The following LRRC4C variants were observed in gnomAD, a reference collection of about 807,000 sequenced individuals.
LRRC4C encodes leucine-rich repeat-containing protein 4C.
LRRC4C carries 5 observed loss-of-function variants against 33.6 expected under a neutral mutation model. The ratio of observed to expected loss-of-function variants is 0.15; its 90% CI spans 0.08 to 0.31. LRRC4C has a LOEUF of 0.31. LRRC4C is among the 10% of genes least tolerant of loss of function. LRRC4C has a pLI of 1.00. For missense variants in LRRC4C, 560 were observed against 796.7 expected (o/e 0.70, Z 3.58); for synonymous variants, 329 against 302.0 (o/e 1.09, Z -0.93).
At chr11:40,870,741 T>C (rs1954594990) in intron 2 of LRRC4C, among the ~76,000 whole-genome samples, 1 of 152,138 alleles carries the variant, frequency 6.6e-6, no homozygotes, top group Non-Finnish European at 1.5e-5. Flanking sequence ...CAGGACCCTG[T>C]GATGATTGTG....
intron 4 of LRRC4C, among the ~76,000 whole-genome samples, chr11:40,309,368 T>G (rs1399475733): frequency 6.6e-6 from 1 of 152,254 alleles, no homozygotes; most frequent in Non-Finnish European, 1.5e-5. Flanking sequence ...GGTTCATCTA[T>G]GCCATACCAC....
chr11:40,496,585 A>G (rs779400820), intron 3 of LRRC4C, among the ~76,000 whole-genome samples: 5 of 152,140 alleles, frequency 3.3e-5, no homozygotes, highest in Non-Finnish European at 7.3e-5. Context: ...CAGAGGGAAA[A>G]TATACCAGAA....
intron 3 of LRRC4C, among the ~76,000 whole-genome samples, chr11:40,467,062 A>C (rs909504797): frequency 1.3e-5 from 2 of 152,148 alleles, no homozygotes; most frequent in African/African-American, 4.8e-5. Context: ...TACTGAAAAG[A>C]AACAGTTGCA....
intron 1 of LRRC4C, among the ~76,000 whole-genome samples, chr11:41,230,514 G>C (rs750727160): frequency 6.6e-6 from 1 of 151,996 alleles, no homozygotes; most frequent in Non-Finnish European, 1.5e-5. Context: ...CCTACTCATA[G>C]AGAGATAGAT....
At chr11:40,993,348 A>G (rs1460345385) in intron 1 of LRRC4C, among the ~76,000 whole-genome samples, 1 of 152,180 alleles carries the variant, frequency 6.6e-6, no homozygotes, top group Non-Finnish European at 1.5e-5. Context: ...GGACCCCATG[A>G]AATTTATATT....
intron 1 of LRRC4C, among the ~76,000 whole-genome samples, chr11:41,128,934 A>C (rs1942882564): frequency 6.6e-6 from 1 of 152,012 alleles, no homozygotes. Context: ...CTTATCTTCA[A>C]CGAGTGTTTA....
At chr11:40,467,337 T>G (rs1009301620) in intron 3 of LRRC4C, among the ~76,000 whole-genome samples, 1 of 152,152 alleles carries the variant, frequency 6.6e-6, no homozygotes, top group Non-Finnish European at 1.5e-5. Flanking sequence ...AAATCATCAT[T>G]ATTACTTTGA....
chr11:40,631,157 C>T (rs1277931227), intron 3 of LRRC4C, among the ~76,000 whole-genome samples: 2 of 152,126 alleles, frequency 1.3e-5, no homozygotes, highest in African/African-American at 4.8e-5. Flanking sequence ...TGGCTTTCAC[C>T]CTCAGAAATG....
chr11:40,694,573 T>G (rs902071322), intron 2 of LRRC4C, among the ~76,000 whole-genome samples: 1 of 152,168 alleles, frequency 6.6e-6, no homozygotes, highest in Non-Finnish European at 1.5e-5. Context: ...GCCAGAGAGT[T>G]GTGGTGGTGC....
chr11:40,581,709 C>T (rs139294498), intron 3 of LRRC4C, among the ~76,000 whole-genome samples: 1,769 of 152,178 alleles, frequency 0.012, 31 homozygotes, highest in African/African-American at 0.04. Context: ...CGAGACCAGC[C>T]TGGCCAGCAT....
chr11:40,735,046 G>T (rs1416556645), intron 2 of LRRC4C, among the ~76,000 whole-genome samples: 6 of 151,956 alleles, frequency 3.9e-5, no homozygotes, highest in Non-Finnish European at 7.4e-5. Context: ...ACAATTCCAG[G>T]GTCTCTGATC....
At chr11:40,254,451 C>A (rs927966035) in intron 4 of LRRC4C, among the ~76,000 whole-genome samples, 1 of 152,148 alleles carries the variant, frequency 6.6e-6, no homozygotes, top group Non-Finnish European at 1.5e-5. Flanking sequence ...GCACATGGTC[C>A]ATCTTTCATA....
At chr11:40,576,008 TA>T (rs1485286885) in intron 3 of LRRC4C, among the ~76,000 whole-genome samples, 2 of 152,208 alleles carry the variant, frequency 1.3e-5, no homozygotes, top group Admixed American at 6.5e-5. Flanking sequence ...TCCTTGCCCA[TA>T]GCCTCATTTT....
intron 3 of LRRC4C, among the ~76,000 whole-genome samples, chr11:40,601,870 C>T (rs1960030794): frequency 6.6e-6 from 1 of 152,028 alleles, no homozygotes; most frequent in Non-Finnish European, 1.5e-5. Flanking sequence ...GTACAGCTAA[C>T]ATGCCTCTTT....
intron 2 of LRRC4C, among the ~76,000 whole-genome samples, chr11:40,736,663 T>C (rs565910007): frequency 7.9e-5 from 12 of 152,186 alleles, no homozygotes; most frequent in Admixed American, 2.0e-4. Context: ...CTCCACATTG[T>C]TTCCAGTATC....
intron 3 of LRRC4C, among the ~76,000 whole-genome samples, chr11:40,499,410 T>G (rs992086047): frequency 6.6e-5 from 10 of 152,108 alleles, no homozygotes; most frequent in African/African-American, 2.4e-4. Context: ...TGGTCTCTAC[T>G]CCAAAGTAAA....
chr11:40,966,745 C>T (rs1248021909), intron 1 of LRRC4C, among the ~76,000 whole-genome samples: 1 of 151,894 alleles, frequency 6.6e-6, no homozygotes, highest in Non-Finnish European at 1.5e-5. Context: ...ACCTCAGCTT[C>T]TTTTTTCCTA....
chr11:40,729,718 C>T (rs1476562709), intron 2 of LRRC4C, among the ~76,000 whole-genome samples: 1 of 152,108 alleles, frequency 6.6e-6, no homozygotes, highest in Non-Finnish European at 1.5e-5. Context: ...TCTGAGAATC[C>T]CTTCTAACCA....
At chr11:40,525,280 A>G (rs937867278) in intron 3 of LRRC4C, among the ~76,000 whole-genome samples, 1 of 152,122 alleles carries the variant, frequency 6.6e-6, no homozygotes, top group Non-Finnish European at 1.5e-5. Context: ...CTCCATCTCT[A>G]CTAAAAATGA....
Sources: allele counts gnomAD v4.1 joint callset (sites outside exome capture counted in the v4.1 genomes callset), GRCh38; gene constraint gnomAD v4.1.1; transcripts MANE v1.5; gene names NCBI Gene and HGNC (gene_info 2026-07-23, HGNC 2026-07-21).